Variants in ITSN1 observed in about 807,000 individuals in gnomAD.
The protein encoded by ITSN1 is intersectin-1.
In ITSN1, 58 loss-of-function variants were observed where a neutral mutation model predicts 239.8. That is an observed-to-expected ratio of 0.24 (90% CI 0.20 to 0.30). The LOEUF (loss-of-function observed/expected upper bound fraction) is 0.30, where lower values mean the gene tolerates loss of function less well. Ranked by LOEUF, ITSN1 falls within the 10% of genes least tolerant of loss-of-function variation. The probability of loss-of-function intolerance (pLI) is 1.00; values close to 1 mark genes in which losing one functional copy is unlikely to be tolerated. For synonymous variants in ITSN1, 780 were observed against 770.8 expected, an observed-to-expected ratio of 1.01 and a Z score of -0.20; for missense variants, 1,558 against 2,103.3, an observed-to-expected ratio of 0.74 and a Z score of 5.07.
chr21:33,681,153 G>T (rs2090924777), intron 1 of ITSN1, among the ~76,000 whole-genome samples: 1 of 152,122 alleles, frequency 6.6e-6, no homozygotes, highest in African/African-American at 2.4e-5. Context: ...GGTAGGAAAG[G>T]GTCTGTTAAG....
intron 33 of ITSN1, among the ~76,000 whole-genome samples, chr21:33,871,509 C>T (rs11908730): frequency 0.055 from 8,301 of 151,736 alleles, 332 homozygotes; most frequent in African/African-American, 0.12. Context: ...TTTGGGAGGC[C>T]GAGGCAGGCA....
intron 5 of ITSN1, among the ~76,000 whole-genome samples, chr21:33,743,686 C>T (rs1245607827): frequency 2.0e-5 from 3 of 152,054 alleles, no homozygotes; most frequent in South Asian, 4.1e-4. Context: ...CCAAGAATAT[C>T]AATCTAAAAA....
At chr21:33,786,464 C>T (rs1025754772) in intron 16 of ITSN1, among the ~76,000 whole-genome samples, 4 of 152,202 alleles carry the variant, frequency 2.6e-5, no homozygotes, top group Middle Eastern at 3.2e-3. Context: ...TACCTATAGG[C>T]ATAAAATTAT....
intron 34 of ITSN1, among the ~76,000 whole-genome samples, chr21:33,880,644 G>A (rs1287382607): frequency 6.6e-6 from 1 of 152,142 alleles, no homozygotes; most frequent in African/African-American, 2.4e-5. Context: ...AGATGGACAG[G>A]TGGCCATCAG....
chr21:33,877,961 C>T (rs1342804647), intron 34 of ITSN1, among the ~76,000 whole-genome samples: 1 of 147,542 alleles, frequency 6.8e-6, no homozygotes, highest in African/African-American at 2.5e-5. Flanking sequence ...ACTCTACTTC[C>T]AGCAACAGAA....
chr21:33,873,311 C>T (rs1281405148), intron 33 of ITSN1, among the ~76,000 whole-genome samples: 1 of 152,244 alleles, frequency 6.6e-6, no homozygotes, highest in Non-Finnish European at 1.5e-5. Flanking sequence ...GTGGACAAGG[C>T]CTGGGCAAAT....
intron 1 of ITSN1, among the ~76,000 whole-genome samples, chr21:33,718,092 C>T (rs746180058): frequency 2.0e-5 from 3 of 152,154 alleles, no homozygotes; most frequent in East Asian, 3.8e-4. Context: ...GTGCTAATCA[C>T]GTACCCTTTC....
In ITSN1 at chr21:33,823,628, A is replaced by G; in HGVS notation, c.3158A>G (p.Asn1053Ser). 1 of 1,614,064 alleles carries G rather than the reference A, an allele frequency of 6.2e-7. No homozygotes were observed. The highest frequency in any genetic ancestry group is 8.5e-7 in the Non-Finnish European group (1 of 1,179,994). ...GACAAGGCCGGAGTCTTCCCTTCTA[A>G]CTATGTGAGGCTTAAAGATTCAGAG... is the stretch of plus-strand genomic sequence containing the variant. ...VGDKAGVFPSNYVRLKDSEGS... is the reference protein window; with the variant it reads ...VGDKAGVFPSSYVRLKDSEGS... The change falls in exon 25 of 40, where the codon AAC becomes AGC. Residue 1053 changes from asparagine (N) to serine (S), a missense_variant. By Grantham distance (46) the Asn-to-Ser change is conservative. This residue lies in a region of ITSN1 where 576 missense variants were observed against 893.3 expected (regional missense o/e 0.64). Coordinates refer to ENST00000381318, the MANE Select transcript of ITSN1 (RefSeq NM_003024.3).
chr21:33,681,393 C>A (rs896261808), intron 1 of ITSN1, among the ~76,000 whole-genome samples: 10 of 151,958 alleles, frequency 6.6e-5, no homozygotes, highest in African/African-American at 2.4e-4. Flanking sequence ...TGCATGATAG[C>A]TGATTAATAA....
At chr21:33,818,937 C>T (rs1415925460) in intron 23 of ITSN1, among the ~76,000 whole-genome samples, 1 of 152,160 alleles carries the variant, frequency 6.6e-6, no homozygotes, top group Non-Finnish European at 1.5e-5. Flanking sequence ...AAATTATGAG[C>T]TTTAAAAGGA....
intron 1 of ITSN1, among the ~76,000 whole-genome samples, chr21:33,654,512 T>C (rs1313966032): frequency 6.6e-6 from 1 of 152,142 alleles, no homozygotes; most frequent in Non-Finnish European, 1.5e-5. Context: ...GGAATGTATA[T>C]CTGACCCAAC....
chr21:33,717,626 G>T lies in ITSN1; in HGVS notation c.-32-1171G>T, dbSNP rs1463680349. ...GCTGGAGTGCAGGGGTGCAATCTCG[G>T]CTCACTGCAAGCTCCATCTCCTGGG... On this transcript the variant is annotated intron_variant, in intron 1 of 39. Transcript: ENST00000381318. Among the ~76,000 whole-genome samples, 8 of 152,136 alleles carry T rather than the reference G, an allele frequency of 5.3e-5. 1 individual carries two copies. In the East Asian group the frequency reaches 1.5e-3, roughly 29 times the overall value.
At chr21:33,739,530 C>T (rs971403416) in intron 5 of ITSN1, among the ~76,000 whole-genome samples, 22 of 152,060 alleles carry the variant, frequency 1.4e-4, no homozygotes, top group African/African-American at 5.1e-4. Context: ...GAAATAAATA[C>T]TTTTAGGTGA....
chr21:33,874,963 A>C lies in ITSN1; in HGVS notation c.4174-391A>C, dbSNP rs559928229. ...TGCCCGGCCAAGGGTAAATATTTTC[A>C]AAGAGAAACTCTAAGGGCCCCATGG... On this transcript the variant is annotated intron_variant, in intron 33 of 39. Coordinates refer to ENST00000381318, the MANE Select transcript of ITSN1 (RefSeq NM_003024.3). Among the ~76,000 whole-genome samples the C allele has an allele frequency of 3.3e-5, 5 of 152,244 alleles. 1 individual carries two copies. In the South Asian group the frequency reaches 1.0e-3, roughly 32 times the overall value.
rs74934578 is a variant in ITSN1 at position 33,847,111 on chromosome 21, G to A, written c.3662-9625G>A. 4.7e-4 allele frequency among the ~76,000 whole-genome samples: 72 copies of A among 152,322 alleles called. No individual in the cohort carries two copies. The East Asian group carries it at 0.014, about 29-fold the overall frequency. On this transcript the variant is annotated intron_variant, in intron 29 of 39. Coordinates refer to ENST00000381318, the MANE Select transcript of ITSN1 (RefSeq NM_003024.3). ...TCAGTTTGTTAAGTTAGGAGAGACC[G>A]ACCCCAGGGAGCAGGCTATGGGTGC...
chr21:33,821,081 CT>C (rs1181358235), intron 24 of ITSN1, among the ~76,000 whole-genome samples: 11 of 152,220 alleles, frequency 7.2e-5, no homozygotes, highest in Admixed American at 5.2e-4. Context: ...ATGTCTGCTA[CT>C]TTTATGTCGT....
At chr21:33,876,185 CCT>C (rs1225223606) in intron 34 of ITSN1, among the ~76,000 whole-genome samples, 6 of 138,818 alleles carry the variant, frequency 4.3e-5, no homozygotes, top group African/African-American at 1.4e-4. Context: ...TTCCTTCCTT[CCT>C]TCTCTCTTTC....
In ITSN1 at chr21:33,677,615, C is replaced by CAGT. The variant is rs562484217; in HGVS notation, c.-33+34904_-33+34905insTAG. Reference sequence around the variant, plus strand: ...TAGGCCTCCCAAAGTGCTGGGATTACAGACTTGAGCCACCGCACCCAGCCC... The same window carrying CAGT: ...TAGGCCTCCCAAAGTGCTGGGATTACAGTAGACTTGAGCCACCGCACCCAGCCC... On this transcript the variant is annotated intron_variant, in intron 1 of 39. Coordinates refer to ENST00000381318, the MANE Select transcript of ITSN1 (RefSeq NM_003024.3). 4.1e-3 allele frequency among the ~76,000 whole-genome samples: 625 copies of CAGT among 152,276 alleles called. 8 individuals are homozygous for CAGT. The highest frequency in any genetic ancestry group is 0.014 in the African/African-American group (602 of 41,564).
At chr21:33,661,050 C>T (rs77724488) in intron 1 of ITSN1, among the ~76,000 whole-genome samples, 1,561 of 152,270 alleles carry the variant, frequency 0.01, 28 homozygotes, top group African/African-American at 0.035. Context: ...CTCATAATGG[C>T]AGATACAAGT....
Sources: gnomAD v4.1 joint callset for allele counts (sites outside exome capture counted in the v4.1 genomes callset) on GRCh38, gnomAD v4.1.1 for gene constraint, gnomAD v4.1.1 regional missense constraint, MANE v1.5 for transcripts, NCBI Gene and HGNC (gene_info 2026-07-23, HGNC 2026-07-21) for gene names.